CLDN14: variants seen among roughly 807,000 people sequenced by gnomAD.
CLDN14 encodes the protein claudin-14.
CLDN14 carries 2 observed loss-of-function variants against 2.1 expected under a neutral mutation model. The ratio of observed to expected loss-of-function variants is 0.96; its 90% confidence interval spans 0.39 to 3.01. CLDN14 has a LOEUF of 3.01. CLDN14 is among the 30% of genes most tolerant of loss of function. The pLI, the probability that CLDN14 is intolerant of heterozygous loss-of-function variation, is 0.09. For synonymous variants in CLDN14, 136 were observed against 154.4 expected, an observed-to-expected ratio of 0.88 and a Z score of 0.88; for missense variants, 298 against 328.0, an observed-to-expected ratio of 0.91 and a Z score of 0.71.
intron 1 of CLDN14, among the ~76,000 whole-genome samples, chr21:36,558,632 T>C (rs1457930627): frequency 6.6e-6 from 1 of 152,166 alleles, no homozygotes; most frequent in African/African-American, 2.4e-5. Flanking sequence ...GGTGCTATTA[T>C]AAAGGAAATT....
intron 1 of CLDN14, among the ~76,000 whole-genome samples, chr21:36,539,534 T>C (rs1279114824): frequency 3.0e-5 from 4 of 134,044 alleles, no homozygotes; most frequent in African/African-American, 8.6e-5. Context: ...AGTGAGTGTA[T>C]GTGGAGTGTG....
intron 1 of CLDN14, among the ~76,000 whole-genome samples, chr21:36,539,841 T>C (rs2087471040): frequency 6.6e-6 from 1 of 150,946 alleles, no homozygotes; most frequent in African/African-American, 2.4e-5. Flanking sequence ...AGAGTGAGTG[T>C]GTGTGCAGAG....
intron 1 of CLDN14, among the ~76,000 whole-genome samples, chr21:36,541,800 C>T (rs1363232823): frequency 6.6e-6 from 1 of 152,138 alleles, no homozygotes; most frequent in East Asian, 1.9e-4. Context: ...GTCTTACTGT[C>T]TTAGGTTTTA....
chr21:36,534,550 G>C (rs909272421), intron 1 of CLDN14, among the ~76,000 whole-genome samples: 4 of 152,190 alleles, frequency 2.6e-5, no homozygotes, highest in African/African-American at 7.2e-5. Flanking sequence ...AACATGCCTT[G>C]TGTGTGGGGT....
At chr21:36,476,555 T>C (rs2086782627) in intron 1 of CLDN14, among the ~76,000 whole-genome samples, 1 of 151,922 alleles carries the variant, frequency 6.6e-6, no homozygotes, top group Non-Finnish European at 1.5e-5. Flanking sequence ...CAGGTTCAAG[T>C]GATTCTCCTG....
intron 1 of CLDN14, among the ~76,000 whole-genome samples, chr21:36,554,731 A>G (rs749608838): frequency 2.6e-4 from 40 of 151,938 alleles, no homozygotes; most frequent in Non-Finnish European, 5.3e-4. Flanking sequence ...CCGCCCCACC[A>G]CCCGTTGATA....
intron 1 of CLDN14, among the ~76,000 whole-genome samples, chr21:36,564,676 G>A (rs1258131881): frequency 5.3e-5 from 8 of 152,338 alleles, no homozygotes; most frequent in Non-Finnish European, 5.9e-5. Flanking sequence ...CAGAACCCAT[G>A]AGTATGTTAT....
rs142481270 is a variant in CLDN14, at chr21:36,476,501, G to A, written c.-82+2994C>T. ...AGAGTCTCACTTTGTCACCCAGGCC[G>A]GAGCGCGGTGGTGCGATCTCAGCTC... On this transcript the variant is annotated intron_variant, in intron 1 of 1. Coordinates refer to ENST00000399135, the MANE Select transcript of CLDN14 (RefSeq NM_001146079.2). Among the ~76,000 whole-genome samples, 496 of 150,012 alleles carry A rather than the reference G, an allele frequency of 3.3e-3. 5 individuals carry two copies. Among genetic ancestry groups the A allele is most frequent in the African/African-American group, 0.011 (462 of 40,868 alleles).
chr21:36,485,817 G>C lies in CLDN14; in HGVS notation c.-81-24041C>G, dbSNP rs1434820603. The C allele has an allele frequency of 2.0e-5, 9 of 439,882 alleles. No individual in the cohort carries two copies. The South Asian group carries it at 2.1e-4, about 10-fold the overall frequency. 27.2% of individuals were successfully genotyped at this position (439,882 alleles called of 1,614,324 possible). On this transcript the variant is annotated intron_variant, in intron 2 of 2. Coordinates refer to the CLDN14 transcript ENST00000342108. ...CCCATCAGATATGAATGAAAGATCA[G>C]ATATAAACCTGATGGGAAATGAGAG...
At chr21:36,492,503 C>T (rs2086978667) in intron 2 of CLDN14, among the ~76,000 whole-genome samples, 1 of 149,592 alleles carries the variant, frequency 6.7e-6, no homozygotes, top group South Asian at 2.1e-4. Flanking sequence ...GTGGCGAGCA[C>T]CTGTAATCCC....
At chr21:36,486,700 C>T in intron 2 of CLDN14, 2 of 1,288,112 alleles carry the variant, frequency 1.6e-6, no homozygotes, top group Non-Finnish European at 1.1e-6. Flanking sequence ...CATTTACTTT[C>T]TCCTTCTTGA....
chr21:36,476,694 A>G (rs1166904530), intron 1 of CLDN14, among the ~76,000 whole-genome samples: 1 of 151,738 alleles, frequency 6.6e-6, no homozygotes, highest in Non-Finnish European at 1.5e-5. Flanking sequence ...CTCATGATCC[A>G]CCCGCCTTGG....
At chr21:36,540,540 T>C (rs1384850581) in intron 1 of CLDN14, among the ~76,000 whole-genome samples, 1 of 152,102 alleles carries the variant, frequency 6.6e-6, no homozygotes, top group Non-Finnish European at 1.5e-5. Flanking sequence ...CTACTGATAT[T>C]GAACGCTGGG....
At chr21:36,530,791 T>C (rs938189436) in intron 1 of CLDN14, among the ~76,000 whole-genome samples, 38 of 151,462 alleles carry the variant, frequency 2.5e-4, no homozygotes, top group Admixed American at 2.2e-3. Flanking sequence ...GGGAGGGAGA[T>C]GGGAAATGAG....
chr21:36,537,938 A>G (rs1012452937), intron 1 of CLDN14, among the ~76,000 whole-genome samples: 2 of 152,148 alleles, frequency 1.3e-5, no homozygotes, highest in Non-Finnish European at 2.9e-5. Flanking sequence ...ATGAGCCACC[A>G]CACTCAGCCT....
In CLDN14 at chr21:36,515,693, C is replaced by A. The variant is rs567122908; in HGVS notation, c.-219-5193G>T. Among the ~76,000 whole-genome samples, 7 of 148,896 alleles carry A rather than the reference C, an allele frequency of 4.7e-5. No individual in the cohort carries two copies. In the East Asian group the frequency reaches 1.4e-3, roughly 30 times the overall value. On this transcript the variant is annotated intron_variant, in intron 1 of 2. Transcript: ENST00000342108. The stretch of plus-strand genomic sequence containing the variant: ...ATCTCAAAAAAAAAAAAAAAAATTT[C>A]TACTTACAAAACTGTAGTAAGAACA...
intron 1 of CLDN14, among the ~76,000 whole-genome samples, chr21:36,467,652 A>G (rs2086663118): frequency 6.6e-6 from 1 of 150,826 alleles, no homozygotes; most frequent in Admixed American, 6.6e-5. Context: ...TGGATGCTGC[A>G]TATGAGACCA....
intron 1 of CLDN14, among the ~76,000 whole-genome samples, chr21:36,539,641 GGAGT>G (rs1182146781): frequency 2.2e-4 from 32 of 147,644 alleles, no homozygotes; most frequent in African/African-American, 7.0e-4. Flanking sequence ...GAGTGTGTGC[GGAGT>G]GTGTGTGTAG....
chr21:36,466,035 A>G (rs2086641422), intron 1 of CLDN14, among the ~76,000 whole-genome samples: 1 of 152,198 alleles, frequency 6.6e-6, no homozygotes, highest in South Asian at 2.1e-4. Flanking sequence ...CTGCATTTGC[A>G]GGATGTCTTG....
Sources: gnomAD v4.1 joint callset for allele counts (sites outside exome capture counted in the v4.1 genomes callset) on GRCh38, gnomAD v4.1.1 for gene constraint, MANE v1.5 for transcripts, NCBI Gene and HGNC (gene_info 2026-07-23, HGNC 2026-07-21) for gene names.